GLIS3: variants seen among roughly 807,000 people sequenced by gnomAD.
The protein encoded by GLIS3 is GLIS family zinc finger 3, also known as zinc finger protein GLIS3.
Under a neutral mutation model 78.6 loss-of-function variants are expected in GLIS3, and 53 were observed. The ratio of observed to expected loss-of-function variants is 0.67; its 90% confidence interval spans 0.54 to 0.85. The LOEUF (loss-of-function observed/expected upper bound fraction) is 0.85. Ranked by LOEUF, GLIS3 falls within the 40% of genes least tolerant of loss-of-function variation. The pLI, the probability that GLIS3 is intolerant of heterozygous loss-of-function variation, is 0.00. For missense variants in GLIS3, 1,703 were observed against 1,231.1 expected, an observed-to-expected ratio of 1.38 and a Z score of -5.74; for synonymous variants, 684 against 509.9, an observed-to-expected ratio of 1.34 and a Z score of -4.60.
chr9:4,077,304 C>T (rs1222986585), intron 4 of GLIS3, among the ~76,000 whole-genome samples: 1 of 152,178 alleles, frequency 6.6e-6, no homozygotes, highest in African/African-American at 2.4e-5. Context: ...ATTCTTAAGG[C>T]TTTCAATTGG....
chr9:4,339,193 G>A (rs1817798705), intron 2 of GLIS3, among the ~76,000 whole-genome samples: 1 of 152,212 alleles, frequency 6.6e-6, no homozygotes, highest in African/African-American at 2.4e-5. Flanking sequence ...GTCCCCAGGT[G>A]TGTAAGTCAC....
intron 2 of GLIS3, among the ~76,000 whole-genome samples, chr9:4,270,278 TC>T (rs1269036135): frequency 1.3e-5 from 2 of 152,186 alleles, no homozygotes; most frequent in Non-Finnish European, 2.9e-5. Context: ...TTCTAGTATA[TC>T]TTAAAAGAGG....
chr9:3,845,959 TC>T (rs1819015820), intron 9 of GLIS3, among the ~76,000 whole-genome samples: 1 of 152,210 alleles, frequency 6.6e-6, no homozygotes, highest in Non-Finnish European at 1.5e-5. Flanking sequence ...TGATTTAGAT[TC>T]CCCACCTGTA....
chr9:4,329,590 T>A (rs1283765423), intron 2 of GLIS3, among the ~76,000 whole-genome samples: 1 of 152,044 alleles, frequency 6.6e-6, no homozygotes, highest in African/African-American at 2.4e-5. Context: ...CTGTGCCAAG[T>A]ACAGCACAAC....
At chr9:4,059,068 T>A (rs1310886929) in intron 4 of GLIS3, among the ~76,000 whole-genome samples, 1 of 152,134 alleles carries the variant, frequency 6.6e-6, no homozygotes, top group African/African-American at 2.4e-5. Context: ...CCCTGAGTCA[T>A]CTAATCTATA....
chr9:3,962,047 A>G (rs1185476933), intron 4 of GLIS3, among the ~76,000 whole-genome samples: 1 of 152,090 alleles, frequency 6.6e-6, no homozygotes, highest in Non-Finnish European at 1.5e-5. Context: ...TCTACAAAAA[A>G]TAATAATAAT....
At chr9:4,096,301 C>G (rs1167482906) in intron 4 of GLIS3, among the ~76,000 whole-genome samples, 1 of 152,080 alleles carries the variant, frequency 6.6e-6, no homozygotes, top group Non-Finnish European at 1.5e-5. Context: ...TTTTTTCCTA[C>G]CAGTTGTGTT....
chr9:3,949,452 C>T (rs1024914196), intron 4 of GLIS3, among the ~76,000 whole-genome samples: 20 of 152,174 alleles, frequency 1.3e-4, no homozygotes, highest in African/African-American at 4.6e-4. Flanking sequence ...ATAAAAGAGT[C>T]AACATGACAA....
chr9:4,186,994 G>C (rs1343880714), intron 2 of GLIS3, among the ~76,000 whole-genome samples: 2 of 152,074 alleles, frequency 1.3e-5, no homozygotes, highest in Admixed American at 6.5e-5. Flanking sequence ...AAGCTCTTTA[G>C]TTTAATTAGA....
intron 4 of GLIS3, among the ~76,000 whole-genome samples, chr9:3,996,566 A>G (rs1407486776): frequency 6.6e-6 from 1 of 152,230 alleles, no homozygotes; most frequent in Non-Finnish European, 1.5e-5. Flanking sequence ...AGTTTTTCAA[A>G]GGAAATTCAT....
chr9:4,195,758 G>C (rs1175720292), intron 2 of GLIS3, among the ~76,000 whole-genome samples: 1 of 152,260 alleles, frequency 6.6e-6, no homozygotes, highest in Admixed American at 6.5e-5. Context: ...GTGGGGTCTT[G>C]GAGAACTTTT....
chr9:3,987,210 T>C (rs1370526133), intron 4 of GLIS3, among the ~76,000 whole-genome samples: 2 of 151,688 alleles, frequency 1.3e-5, no homozygotes, highest in Non-Finnish European at 2.9e-5. Flanking sequence ...GGCTCAACAG[T>C]AGAGGTGAGA....
At chr9:4,160,826 T>C (rs1586841706) in intron 2 of GLIS3, among the ~76,000 whole-genome samples, 1 of 152,210 alleles carries the variant, frequency 6.6e-6, no homozygotes. Context: ...AAAAGAATAT[T>C]TAAATCAGCT....
chr9:4,188,785 G>A (rs1818044293), intron 2 of GLIS3, among the ~76,000 whole-genome samples: 1 of 152,202 alleles, frequency 6.6e-6, no homozygotes, highest in African/African-American at 2.4e-5. Flanking sequence ...TATTTGCGTA[G>A]AGGTGTTTGT....
chr9:4,297,899 GGCTTC>G (rs2130454664), intron 1 of GLIS3, among the ~76,000 whole-genome samples: 1 of 152,218 alleles, frequency 6.6e-6, no homozygotes, highest in African/African-American at 2.4e-5. Context: ...CTATAGGACT[GGCTTC>G]GCTGCCGGGG....
At chr9:4,245,755 C>T (rs1484922575) in intron 2 of GLIS3, among the ~76,000 whole-genome samples, 2 of 152,056 alleles carry the variant, frequency 1.3e-5, no homozygotes, top group Admixed American at 1.3e-4. Flanking sequence ...ACCACTATAT[C>T]CCATAAATAT....
intron 4 of GLIS3, among the ~76,000 whole-genome samples, chr9:4,027,904 G>C (rs749675068): frequency 1.5e-4 from 23 of 152,126 alleles, no homozygotes; most frequent in Non-Finnish European, 2.6e-4. Context: ...CCTCAGCTTT[G>C]TCCAGCTGAA....
intron 2 of GLIS3, among the ~76,000 whole-genome samples, chr9:4,162,205 T>C (rs911218175): frequency 2.0e-5 from 3 of 152,212 alleles, no homozygotes; most frequent in Non-Finnish European, 4.4e-5. Context: ...TGTCTCTGTG[T>C]CCAAATTTCC....
chr9:3,968,169 G>T (rs1818102357), intron 4 of GLIS3, among the ~76,000 whole-genome samples: 1 of 152,154 alleles, frequency 6.6e-6, no homozygotes, highest in Admixed American at 6.5e-5. Flanking sequence ...CTAGTCTAAG[G>T]GGGTGAAGAC....
Sources: gnomAD v4.1 joint callset for allele counts (sites outside exome capture counted in the v4.1 genomes callset) on GRCh38, gnomAD v4.1.1 for gene constraint, MANE v1.5 for transcripts, NCBI Gene and HGNC (gene_info 2026-07-23, HGNC 2026-07-21) for gene names.